ABLIM2: variants seen among roughly 807,000 people sequenced by gnomAD.
ABLIM2 encodes actin-binding LIM protein 2.
In ABLIM2, 53 loss-of-function variants were observed where a neutral mutation model predicts 97.7. That is an observed-to-expected ratio of 0.54 (90% CI 0.44 to 0.68). The LOEUF (loss-of-function observed/expected upper bound fraction) is 0.68, where lower values mean the gene tolerates loss of function less well. Ranked by LOEUF, ABLIM2 falls within the 30% of genes least tolerant of loss-of-function variation. The pLI, the probability that ABLIM2 is intolerant of heterozygous loss-of-function variation, is 0.00. For synonymous variants in ABLIM2, 361 were observed against 345.8 expected (o/e 1.04, Z -0.49); for missense variants, 835 against 867.2 (o/e 0.96, Z 0.47).
In ABLIM2 at chr4:8,087,370, C is replaced by T. The variant is rs557585589; in HGVS notation, c.454+799G>A. ...CCACACCTGCAAACCCCTGACACTT[C>T]GGCTGGCATTTGTTTTTTTTCCACA... On this transcript the variant is annotated intron_variant, in intron 4 of 20. Transcript: ENST00000447017. This position sits in a 1 kb window ranked among gnomAD's most constrained non-coding sequence, Gnocchi z 4.6. Among the ~76,000 whole-genome samples the T allele has an allele frequency of 4.9e-4, 74 of 151,954 alleles. No individual in the cohort carries two copies. The highest frequency in any genetic ancestry group is 1.7e-3 in the African/African-American group (71 of 41,530).
intron 1 of ABLIM2, among the ~76,000 whole-genome samples, chr4:8,142,411 A>T (rs530786231): frequency 6.6e-6 from 1 of 151,866 alleles, no homozygotes; most frequent in Non-Finnish European, 1.5e-5. Flanking sequence ...CATTACGATG[A>T]CTCTCCACCT....
Position 8,075,841 on chromosome 4 carries a change from T to C in ABLIM2, c.675+1787A>G, listed in dbSNP as rs1226094151. Reference sequence around the variant, plus strand: ...TATAATAAACTGGAAATCTGCTAAATAGGAAATATGAGTTGGGAAACACAG... The same window carrying C: ...TATAATAAACTGGAAATCTGCTAAACAGGAAATATGAGTTGGGAAACACAG... On this transcript the variant is annotated intron_variant, in intron 6 of 20. Transcript: ENST00000447017. This position sits in a 1 kb window ranked among gnomAD's most constrained non-coding sequence, Gnocchi z 4.4. Among the ~76,000 whole-genome samples, 1 of 152,014 alleles carries C rather than the reference T, an allele frequency of 6.6e-6. No homozygotes were observed.
At chr4:7,967,168 G>A (rs931150770) in intron 20 of ABLIM2, 65 bp from the exon 21 acceptor site, 1 of 1,354,482 alleles carries the variant, frequency 7.4e-7, no homozygotes, top group African/African-American at 1.4e-5. Flanking sequence ...CCATTGGGCA[G>A]TTTGCTGCCG....
At chr4:8,084,246 G>C (rs917068093) in intron 4 of ABLIM2, among the ~76,000 whole-genome samples, 1 of 152,210 alleles carries the variant, frequency 6.6e-6, no homozygotes, top group African/African-American at 2.4e-5. Flanking sequence ...GTCAGGACTA[G>C]ACCGGGACAG....
At chr4:8,077,801 A>G (rs2152416277) in intron 5 of ABLIM2, 80 bp from the exon 6 acceptor site, 2 of 1,265,460 alleles carry the variant, frequency 1.6e-6, no homozygotes, top group South Asian at 1.4e-5. Context: ...CCAACAAGAG[A>G]GTCTGCCCTC....
intron 12 of ABLIM2, among the ~76,000 whole-genome samples, chr4:8,027,067 T>G (rs1317262553): frequency 3.3e-5 from 5 of 152,180 alleles, no homozygotes; most frequent in Non-Finnish European, 7.3e-5. Context: ...ATGTCAGTAC[T>G]ATGGGATCTG....
intron 1 of ABLIM2, 120 bp downstream of exon 1, chr4:8,158,560 G>T (rs1257612987): frequency 2.6e-5 from 33 of 1,277,670 alleles, no homozygotes; most frequent in Non-Finnish European, 3.4e-5. Flanking sequence ...GCAAAAGTTG[G>T]GTGGAGCCGC....
Position 8,007,914 on chromosome 4 carries a change from G to C in ABLIM2, c.1618+145C>G, listed in dbSNP as rs1017599696. 3.4e-6 allele frequency: 5 copies of C among 1,467,260 alleles called. No homozygotes were observed. In the African/African-American group the frequency reaches 5.6e-5, roughly 17 times the overall value. 90.9% of individuals were successfully genotyped at this position (1,467,260 alleles called of 1,614,324 possible). ...TGCAAAAGCCCCATATTTCCTTCCG[G>C]TCGGTCCTTAGATTTGTGGGCTTTG... On this transcript the variant is annotated intron_variant, in intron 16 of 20. Transcript: ENST00000447017.
At chr4:8,010,999 G>A (rs1454910953) in intron 14 of ABLIM2, among the ~76,000 whole-genome samples, 15 of 152,214 alleles carry the variant, frequency 9.9e-5, no homozygotes, top group Admixed American at 9.8e-4. Context: ...TAAGTGCATC[G>A]TTTCCTGAAA....
chr4:7,988,478 A>G (rs1201183232), intron 17 of ABLIM2, among the ~76,000 whole-genome samples: 1 of 152,252 alleles, frequency 6.6e-6, no homozygotes, highest in African/African-American at 2.4e-5. Flanking sequence ...GGGACTGTAA[A>G]TATTTGAGCC....
chr4:8,105,271 C>T lies in ABLIM2; in HGVS notation c.154+1223G>A, dbSNP rs1028328266. On this transcript the variant is annotated intron_variant, in intron 2 of 20. Coordinates refer to ENST00000447017, the MANE Select transcript of ABLIM2 (RefSeq NM_001130083.2). ...TTCGAAATCCTTCCCTGTGGGCATC[C>T]CCCCCTACACACATATACTTGGTTT... Among the ~76,000 whole-genome samples the T allele has an allele frequency of 6.6e-5, 10 of 152,258 alleles. No individual in the cohort carries two copies. The South Asian group carries it at 1.7e-3, about 25-fold the overall frequency.
chr4:8,051,871 T>C (rs998980984), intron 8 of ABLIM2, among the ~76,000 whole-genome samples: 3 of 152,188 alleles, frequency 2.0e-5, no homozygotes, highest in South Asian at 2.1e-4. Flanking sequence ...CCATGGGCTA[T>C]GTGAATGACA....
chr4:8,158,620 C>T, intron 1 of ABLIM2, 60 bp downstream of exon 1: 1 of 1,503,200 alleles, frequency 6.7e-7, no homozygotes, highest in Non-Finnish European at 8.9e-7. Context: ...TGCCACCCAG[C>T]CCTTGCGGCG....
intron 1 of ABLIM2, among the ~76,000 whole-genome samples, chr4:8,146,382 C>T (rs1267686940): frequency 5.3e-5 from 8 of 152,192 alleles, no homozygotes; most frequent in African/African-American, 1.4e-4. Context: ...ACAGGGCAGA[C>T]GTCAGAATCC....
Position 8,091,642 on chromosome 4 carries a change from TTTATATATTATATAA to T in ABLIM2, c.339-3373_339-3359del, listed in dbSNP as rs1828431864. On this transcript the variant is annotated intron_variant, in intron 3 of 20. Transcript: ENST00000447017. Reference sequence around the variant, plus strand: ...TTTTATATAAAATTATATATATAATTTTATATATTATATAATTATATATTATATAAAATTATATAT... The same window carrying T: ...TTTTATATAAAATTATATATATAATTTTATATATTATATAAAATTATATAT... Among the ~76,000 whole-genome samples, 2 of 57,472 alleles carry T rather than the reference TTTATATATTATATAA, an allele frequency of 3.5e-5. 1 individual carries two copies. The highest frequency in any genetic ancestry group is 1.1e-3 in the East Asian group (2 of 1,766). 37.7% of individuals were successfully genotyped at this position (57,472 alleles called of 152,430 possible).
intron 1 of ABLIM2, among the ~76,000 whole-genome samples, chr4:8,139,618 T>C (rs1014089040): frequency 6.6e-6 from 1 of 152,196 alleles, no homozygotes; most frequent in African/African-American, 2.4e-5. Flanking sequence ...CTTGCGAGGC[T>C]GTGGAGAAAC....
chr4:8,045,263 G>C, intron 8 of ABLIM2, 22 bp from the exon 9 acceptor site: 1 of 1,604,860 alleles, frequency 6.2e-7, no homozygotes, highest in Non-Finnish European at 8.5e-7. Flanking sequence ...GAGAGGAAGA[G>C]ATTGAAGGCA....
chr4:8,057,353 T>C (rs1036036640), intron 7 of ABLIM2, among the ~76,000 whole-genome samples: 3 of 152,216 alleles, frequency 2.0e-5, no homozygotes, highest in African/African-American at 7.2e-5. Flanking sequence ...CCCAAAGTGC[T>C]GGAATTACAG....
At chr4:8,009,215 G>T in intron 14 of ABLIM2, 113 bp from the exon 15 acceptor site, 1 of 1,333,904 alleles carries the variant, frequency 7.5e-7, no homozygotes, top group Non-Finnish European at 1.1e-6. Flanking sequence ...TCAAAGAGAA[G>T]GTCAGTAGTA....
Sources: gnomAD v4.1 joint callset for allele counts (sites outside exome capture counted in the v4.1 genomes callset) on GRCh38, gnomAD v4.1.1 for gene constraint, Gnocchi (gnomAD v3.1) non-coding constraint, MANE v1.5 for transcripts, NCBI Gene and HGNC (gene_info 2026-07-23, HGNC 2026-07-21) for gene names.